The following CYP2F1 variants were observed in gnomAD, a reference collection of about 807,000 sequenced individuals.
CYP2F1 encodes cytochrome P450 2F1.
In CYP2F1, 33 loss-of-function variants were observed where a neutral mutation model predicts 40.4. The ratio of observed to expected loss-of-function variants is 0.82; its 90% CI spans 0.62 to 1.09. The LOEUF (loss-of-function observed/expected upper bound fraction) is 1.09. Ranked by LOEUF, CYP2F1 falls within the 50% of genes least tolerant of loss-of-function variation. CYP2F1 has a pLI of 0.00. For missense variants in CYP2F1, 566 were observed against 655.7 expected (o/e 0.86, Z 1.49); for synonymous variants, 235 against 277.2 (o/e 0.85, Z 1.51).
At chr19:41,119,723 C>A (rs10853747) in intron 3 of CYP2F1, among the ~76,000 whole-genome samples, 943 of 35,404 alleles carry the variant, frequency 0.027, 18 homozygotes, top group African/African-American at 0.042. Flanking sequence ...CTCTCTCTCT[C>A]TATATATATA....
chr19:41,125,581 T>C lies in CYP2F1; in HGVS notation c.1241T>C (p.Leu414Ser). ...CAGGAGTTCAACCCCGAGCATTTTT[T>C]GGATGCCAATCAGTCCTTCAAGAAG... The part of the protein sequence containing the change: ...TPQEFNPEHF[L>S]DANQSFKKSP... Residue 414 changes from leucine (L) to serine (S), a missense_variant, in exon 9 of 10, where the codon TTG becomes TCG. By Grantham distance (145) the Leu-to-Ser change is moderately radical (BLOSUM62 -2). This residue lies in a region of CYP2F1 where 27 missense variants were observed against 68.4 expected (regional missense o/e 0.39). Coordinates refer to ENST00000331105, the MANE Select transcript of CYP2F1 (RefSeq NM_000774.5). The C allele has an allele frequency of 6.2e-7, 1 of 1,610,536 alleles. No homozygotes were observed. Among genetic ancestry groups the C allele is most frequent in the Non-Finnish European group, 8.5e-7 (1 of 1,178,152 alleles).
rs1156480711 is a variant in CYP2F1 at position 41,116,477 on chromosome 19, T to G, written c.194T>G (p.Met65Arg). ...LTKLSKEYGS[M>R]YTVHLGPRRV... is the part of the protein sequence containing the mutation. ...CAGCTGAGCAAGGAGTATGGCTCCATGTACACAGTGCACCTGGGACCCAGG... is the reference window on the plus strand; with the variant it reads ...CAGCTGAGCAAGGAGTATGGCTCCAGGTACACAGTGCACCTGGGACCCAGG... Residue 65 changes from methionine (M) to arginine (R), a missense_variant, in exon 3 of 10, where the codon ATG (methionine) becomes AGG (arginine). Transcript: ENST00000331105. 6.2e-7 allele frequency: 1 copy of G among 1,613,546 alleles called. No homozygotes were observed. The highest frequency in any genetic ancestry group is 2.2e-5 in the East Asian group (1 of 44,854).
rs1209304593 is a variant in CYP2F1, at chr19:41,120,271, C to A, written c.335-76C>A. On this transcript the variant is annotated intron_variant, in intron 3 of 9. Coordinates refer to ENST00000331105, the MANE Select transcript of CYP2F1 (RefSeq NM_000774.5). ...AACTCTGTCTCTCTCCCAGCAAATA[C>A]CATGAAAGGGGACCTGGGTGGCAGT... The A allele has an allele frequency of 3.5e-6, 5 of 1,411,860 alleles. No homozygotes were observed. The South Asian group carries it at 5.7e-5, about 16-fold the overall frequency. 87.5% of individuals were successfully genotyped at this position (1,411,860 alleles called of 1,614,324 possible). A position where few individuals can be genotyped will look rare whatever the true frequency, so the allele number is the denominator to read the frequency against.
At chr19:41,123,284 C>T in intron 7 of CYP2F1, 2 of 439,382 alleles carry the variant, frequency 4.6e-6, no homozygotes, top group Non-Finnish European at 9.1e-6. Flanking sequence ...TCACTGCAAC[C>T]TCCCCCTCCC....
intron 3 of CYP2F1, among the ~76,000 whole-genome samples, chr19:41,119,878 G>T (rs1000407115): frequency 3.4e-5 from 5 of 146,586 alleles, no homozygotes; most frequent in Non-Finnish European, 6.0e-5. Flanking sequence ...GAGGCGGAGG[G>T]TGCAGCAAGC....
chr19:41,127,367 T>C (rs1371037593), intron 9 of CYP2F1, among the ~76,000 whole-genome samples: 1 of 152,168 alleles, frequency 6.6e-6, no homozygotes, highest in Non-Finnish European at 1.5e-5. Flanking sequence ...AGACAGGGTC[T>C]TGCTGTCACC....
intron 3 of CYP2F1, among the ~76,000 whole-genome samples, chr19:41,118,724 C>A (rs758345810): frequency 6.6e-6 from 1 of 152,200 alleles, no homozygotes; most frequent in Non-Finnish European, 1.5e-5. Context: ...AGGGTTCCAC[C>A]ACTCACTAGC....
chr19:41,120,679 A>C (rs1289751335), intron 4 of CYP2F1, among the ~76,000 whole-genome samples, 183 bp downstream of exon 4: 3 of 152,044 alleles, frequency 2.0e-5, no homozygotes, highest in Non-Finnish European at 4.4e-5. Flanking sequence ...ACAGGGTCTC[A>C]CTATGTTGCC....
At position 41,124,874 on chromosome 19, in the gene CYP2F1, G is replaced by A. The variant is rs1268657511; in HGVS notation, c.1120G>A (p.Asp374Asn). ...GAACTTGCCGCACCGCGTCACTAGG[G>A]ACACGGCCTTTCGCGGCTTCCTGAT... ...PMNLPHRVTR[D>N]TAFRGFLIPK... is the part of the protein sequence containing the mutation. The change falls in exon 8 of 10, where the codon GAC becomes AAC. Residue 374 changes from aspartate (D) to asparagine (N), a missense_variant. By Grantham distance (23) the Asp-to-Asn change is conservative. This residue lies in a region of CYP2F1 where 128 missense variants were observed against 121.0 expected (regional missense o/e 1.06). Transcript: ENST00000331105. 3 of 1,609,710 alleles carry A rather than the reference G, an allele frequency of 1.9e-6. No individual in the cohort carries two copies. Among genetic ancestry groups the A allele is most frequent in the Non-Finnish European group, 2.5e-6 (3 of 1,179,362 alleles).
At position 41,121,422 on chromosome 19, in the gene CYP2F1, C is replaced by T. The variant is rs775459187; in HGVS notation, c.485-36C>T. 4.4e-6 allele frequency: 7 copies of T among 1,590,760 alleles called. No individual in the cohort carries two copies. The South Asian group carries it at 4.5e-5, about 10-fold the overall frequency. ...GCATGAGGTCTGGTGTGCTGCACAT[C>T]GCGTCTTCCTGATCCATTGCACTCC... On this transcript the variant is annotated intron_variant, in intron 4 of 9. Coordinates refer to ENST00000331105, the MANE Select transcript of CYP2F1 (RefSeq NM_000774.5).
intron 1 of CYP2F1, among the ~76,000 whole-genome samples, chr19:41,114,702 G>GGTTGGCAACACTTGATTTTTTCCT (rs1348877848): frequency 3.3e-5 from 5 of 151,696 alleles, no homozygotes; most frequent in Non-Finnish European, 5.9e-5. Context: ...GCAACCCCAT[G>GGTTGGCAACACTTGATTTTTTCCT]GTTGGCAACA....
intron 4 of CYP2F1, among the ~76,000 whole-genome samples, chr19:41,120,931 C>G (rs1416334273): frequency 6.6e-6 from 1 of 151,856 alleles, no homozygotes; most frequent in Non-Finnish European, 1.5e-5. Flanking sequence ...AGCGATTCTG[C>G]TTGCTGACTG....
In CYP2F1 at chr19:41,124,780, C is replaced by A; in HGVS notation, c.1026C>A (p.Asp342Glu). Reference sequence around the variant, plus strand: ...GCGCGCGGCTGCCGGCGCTGAAGGACCGCGCGGCCATGCCTTACACAGACG... The same window carrying A: ...GCGCGCGGCTGCCGGCGCTGAAGGAACGCGCGGCCATGCCTTACACAGACG... The part of the protein sequence containing the change: ...VGRARLPALK[D>E]RAAMPYTDAV... The change falls in exon 8 of 10, where the codon GAC becomes GAA. Residue 342 changes from aspartate (D) to glutamate (E), a missense_variant. Transcript: ENST00000331105. 2 of 1,609,722 alleles carry A rather than the reference C, an allele frequency of 1.2e-6. No homozygotes were observed. The highest frequency in any genetic ancestry group is 4.5e-5 in the East Asian group (2 of 44,842).
chr19:41,123,751 T>C (rs1456951100), intron 7 of CYP2F1, among the ~76,000 whole-genome samples: 2 of 152,178 alleles, frequency 1.3e-5, no homozygotes, highest in African/African-American at 4.8e-5. Flanking sequence ...CCCCAACTCC[T>C]GGGCTCAAGC....
intron 3 of CYP2F1, among the ~76,000 whole-genome samples, chr19:41,119,723 C>CTCTTTATATATATATA (rs1478574507): frequency 2.8e-4 from 10 of 35,804 alleles, no homozygotes; most frequent in African/African-American, 8.0e-4. Flanking sequence ...CTCTCTCTCT[C>CTCTTTATATATATATA]TATATATATA....
At chr19:41,124,971 G>T in intron 8 of CYP2F1, 65 bp downstream of exon 8, 1 of 1,412,920 alleles carries the variant, frequency 7.1e-7, no homozygotes, top group Non-Finnish European at 9.6e-7. Context: ...TCTTGCACTG[G>T]CAAGGAGTAT....
chr19:41,121,651 T>G (rs747886773), intron 5 of CYP2F1, 33 bp downstream of exon 5: 1 of 1,583,466 alleles, frequency 6.3e-7, no homozygotes, highest in Non-Finnish European at 8.6e-7. Flanking sequence ...GGGCAGGGTG[T>G]GGGGTCCGCA....
intron 3 of CYP2F1, among the ~76,000 whole-genome samples, chr19:41,120,004 G>C (rs1297171429): frequency 6.6e-6 from 1 of 151,826 alleles, no homozygotes; most frequent in African/African-American, 2.4e-5. Flanking sequence ...CCTCTGCACT[G>C]GACAATGCTA....
rs745961139 is a variant in CYP2F1 at position 41,122,027 on chromosome 19, A to G, written c.716A>G (p.Lys239Arg). ...GPHQRIFQNF[K>R]CLRDLIAHSV... ...CACCAACGCATCTTCCAGAACTTCA[A>G]GTGCCTGAGAGACCTCATCGCCCAC... The change falls in exon 6 of 10, where the codon AAG becomes AGG. Residue 239 changes from lysine (K) to arginine (R), a missense_variant. Coordinates refer to ENST00000331105, the MANE Select transcript of CYP2F1 (RefSeq NM_000774.5). 2.5e-6 allele frequency: 4 copies of G among 1,612,836 alleles called. No individual in the cohort carries two copies. The highest frequency in any genetic ancestry group is 2.5e-6 in the Non-Finnish European group (3 of 1,179,660).
Sources: allele counts gnomAD v4.1 joint callset (sites outside exome capture counted in the v4.1 genomes callset), GRCh38; gene constraint gnomAD v4.1.1; regional missense constraint gnomAD v4.1.1; transcripts MANE v1.5; gene names NCBI Gene and HGNC (gene_info 2026-07-23, HGNC 2026-07-21).